The following BMPR2 variants were observed in gnomAD, a reference collection of about 807,000 sequenced individuals.
The protein encoded by BMPR2 is bone morphogenetic protein receptor type-2.
A neutral mutation model predicts 100.8 loss-of-function variants in BMPR2; 29 were observed. The observed-to-expected ratio is 0.29, with a 90% CI of 0.21 to 0.39. The LOEUF (loss-of-function observed/expected upper bound fraction) is 0.39. BMPR2 is among the 10% of genes least tolerant of loss of function. The pLI, the probability that BMPR2 is intolerant of heterozygous loss-of-function variation, is 1.00. For synonymous variants in BMPR2, 382 were observed against 442.3 expected (o/e 0.86, Z 1.71); for missense variants, 1,011 against 1,274.5 (o/e 0.79, Z 3.15).
intron 3 of BMPR2, among the ~76,000 whole-genome samples, chr2:202,481,421 C>A (rs1226047594): frequency 6.6e-6 from 1 of 152,222 alleles, no homozygotes; most frequent in East Asian, 1.9e-4. Context: ...TCAGCTGATC[C>A]GCCTGCCTCA....
intron 9 of BMPR2, among the ~76,000 whole-genome samples, chr2:202,536,940 C>G (rs1185617528): frequency 6.6e-6 from 1 of 151,942 alleles, no homozygotes. Context: ...CACTCCTGCC[C>G]AGGCCGGAGT....
intron 1 of BMPR2, among the ~76,000 whole-genome samples, chr2:202,396,985 C>T (rs184806524): frequency 3.3e-5 from 5 of 151,982 alleles, no homozygotes; most frequent in East Asian, 3.9e-4. Flanking sequence ...TTAGTAGAGT[C>T]GGGGTTTCTC....
chr2:202,483,694 C>T (rs111981991), intron 3 of BMPR2, among the ~76,000 whole-genome samples: 2 of 152,312 alleles, frequency 1.3e-5, no homozygotes, highest in Non-Finnish European at 2.9e-5. Context: ...TGAGCCACCA[C>T]GCCCAGCCCA....
rs1688755058 is a variant in BMPR2 at position 202,566,031 on chromosome 2, T to C, written c.*6085T>C. 6.6e-6 allele frequency: 1 copy of C among 152,156 alleles called. No homozygotes were observed. Among genetic ancestry groups the C allele is most frequent in the African/African-American group, 2.4e-5 (1 of 41,446 alleles). 9.4% of individuals were successfully genotyped at this position (152,156 alleles called of 1,614,324 possible). On this transcript the variant is annotated 3_prime_UTR_variant, in exon 13 of 13. Coordinates refer to ENST00000374580, the MANE Select transcript of BMPR2 (RefSeq NM_001204.7). The stretch of plus-strand genomic sequence containing the variant: ...TGAACATACACATTTTTAAAACAAC[T>C]TGAAACCCATTTTAAAATCTGGGTA...
intron 1 of BMPR2, among the ~76,000 whole-genome samples, chr2:202,420,537 ATTTTTTTTTTTTT>A (rs10555458): frequency 6.2e-3 from 364 of 59,046 alleles, no homozygotes; most frequent in Non-Finnish European, 7.3e-3. Flanking sequence ...TAGAAGCATG[ATTTTTTTTTTTTT>A]TTTTTTTTTT....
rs1239815878 is a variant in BMPR2 at position 202,442,035 on chromosome 2, CA to C, written c.77-22761del. Among the ~76,000 whole-genome samples the C allele has an allele frequency of 5.2e-3, 683 of 132,096 alleles. 52 individuals are homozygous for C. Among genetic ancestry groups the C allele is most frequent in the African/African-American group, 0.018 (586 of 33,232 alleles). The allele number at this position is 132,096 out of a possible 152,430, so 86.7% of individuals were successfully genotyped here. On this transcript the variant is annotated intron_variant, in intron 1 of 12. Transcript: ENST00000374580. ...GGGACAAGAGCGAGACTTTGTCTCTCAAAAAAAAAAAAATTATAAAATGCAT... is the reference window on the plus strand; with the variant it reads ...GGGACAAGAGCGAGACTTTGTCTCTCAAAAAAAAAAAATTATAAAATGCAT...
chr2:202,524,469 A>G (rs567514105), intron 7 of BMPR2, among the ~76,000 whole-genome samples: 1 of 152,010 alleles, frequency 6.6e-6, no homozygotes, highest in East Asian at 1.9e-4. Flanking sequence ...CAGATAACAA[A>G]CTTGCACATG....
At chr2:202,426,693 G>C (rs1329362827) in intron 1 of BMPR2, among the ~76,000 whole-genome samples, 1 of 151,902 alleles carries the variant, frequency 6.6e-6, no homozygotes, top group Admixed American at 6.6e-5. Flanking sequence ...ACCCACCTGG[G>C]CAACATAGTA....
chr2:202,399,454 C>G (rs1047126447), intron 1 of BMPR2, among the ~76,000 whole-genome samples: 2 of 152,090 alleles, frequency 1.3e-5, no homozygotes, highest in Non-Finnish European at 2.9e-5. Flanking sequence ...AGATGCACAA[C>G]AAGGGGTTAG....
intron 1 of BMPR2, among the ~76,000 whole-genome samples, chr2:202,454,779 C>T (rs1439591003): frequency 6.6e-6 from 1 of 152,142 alleles, no homozygotes; most frequent in African/African-American, 2.4e-5. Flanking sequence ...TAAAATAGCA[C>T]TAGAGACACG....
At chr2:202,502,451 CAAAG>C (rs1025935145) in intron 3 of BMPR2, among the ~76,000 whole-genome samples, 4 of 151,976 alleles carry the variant, frequency 2.6e-5, no homozygotes, top group African/African-American at 7.2e-5. Context: ...GAGGAAGAGA[CAAAG>C]AAGAAGTTGA....
At chr2:202,536,802 G>A (rs1688168114) in intron 9 of BMPR2, among the ~76,000 whole-genome samples, 1 of 149,674 alleles carries the variant, frequency 6.7e-6, no homozygotes, top group Non-Finnish European at 1.5e-5. Context: ...AACCCGGGAG[G>A]CAGAGGTTGC....
chr2:202,555,212 A>G (rs2105710945), intron 11 of BMPR2, 40 bp from the exon 12 acceptor site: 1 of 1,552,874 alleles, frequency 6.4e-7, no homozygotes, highest in Non-Finnish European at 8.9e-7. Context: ...TTTGTCATAA[A>G]TGTACGTTCT....
At chr2:202,517,789 C>T (rs1439881307) in intron 5 of BMPR2, among the ~76,000 whole-genome samples, 1 of 151,710 alleles carries the variant, frequency 6.6e-6, no homozygotes, top group Non-Finnish European at 1.5e-5. Flanking sequence ...TTCCCAAGGC[C>T]AGAACAATTT....
At chr2:202,398,768 G>A (rs554580427) in intron 1 of BMPR2, among the ~76,000 whole-genome samples, 7 of 152,222 alleles carry the variant, frequency 4.6e-5, no homozygotes, top group East Asian at 1.9e-4. Flanking sequence ...AGAAAATACC[G>A]TAGTATTTTG....
At position 202,565,364 on chromosome 2, in the gene BMPR2, TTC is replaced by T. The variant is rs1329969850; in HGVS notation, c.*5420_*5421del. 1.3e-5 allele frequency: 2 copies of T among 152,172 alleles called. No individual in the cohort carries two copies. The highest frequency in any genetic ancestry group is 2.9e-5 in the Non-Finnish European group (2 of 68,030). 9.4% of individuals were successfully genotyped at this position (152,172 alleles called of 1,614,324 possible). A position where few individuals can be genotyped will look rare whatever the true frequency, so the allele number is the denominator to read the frequency against. ...ATATTTAAGAATATAGAATTATATTTTCTTTTATATTCAAATTCATTACTCCA... is the reference window on the plus strand; with the variant it reads ...ATATTTAAGAATATAGAATTATATTTTTTTATATTCAAATTCATTACTCCA... On this transcript the variant is annotated 3_prime_UTR_variant, in exon 13 of 13. Coordinates refer to ENST00000374580, the MANE Select transcript of BMPR2 (RefSeq NM_001204.7).
Position 202,485,545 on chromosome 2 carries a change from CT to C in BMPR2, c.418+17875del, listed in dbSNP as rs762096820. Among the ~76,000 whole-genome samples the C allele has an allele frequency of 1.2e-3, 75 of 64,018 alleles. 1 individual carries two copies. Among genetic ancestry groups the C allele is most frequent in the African/African-American group, 3.5e-3 (62 of 17,540 alleles). The allele number at this position is 64,018 out of a possible 152,430, so 42.0% of individuals were successfully genotyped here. A position where few individuals can be genotyped will look rare whatever the true frequency, so the allele number is the denominator to read the frequency against. ...GTCTCAAATCTCCCTTTGCCTTTATCTTTTTTTTTTTTTTTTTTTGAGACAG... is the reference window on the plus strand; with the variant it reads ...GTCTCAAATCTCCCTTTGCCTTTATCTTTTTTTTTTTTTTTTTTGAGACAG... On this transcript the variant is annotated intron_variant, in intron 3 of 12. Transcript: ENST00000374580.
intron 1 of BMPR2, among the ~76,000 whole-genome samples, chr2:202,420,240 G>C (rs1002383596): frequency 6.6e-6 from 1 of 151,708 alleles, no homozygotes; most frequent in African/African-American, 2.4e-5. Flanking sequence ...ACCATCAAAA[G>C]GTAGCTTTAT....
Position 202,496,987 on chromosome 2 carries a change from C to T in BMPR2, c.419-16732C>T, listed in dbSNP as rs912819930. On this transcript the variant is annotated intron_variant, in intron 3 of 12. Transcript: ENST00000374580. ...GAGTTCCGGGTGGGCATGGGCTTGG[C>T]GGGCCCCGCACTCGGAGCAGCCGGC... Among the ~76,000 whole-genome samples the T allele has an allele frequency of 4.6e-5, 7 of 152,356 alleles. No homozygotes were observed. The East Asian group carries it at 1.2e-3, about 25-fold the overall frequency.
Sources: allele counts gnomAD v4.1 joint callset (sites outside exome capture counted in the v4.1 genomes callset), GRCh38; gene constraint gnomAD v4.1.1; transcripts MANE v1.5; gene names NCBI Gene and HGNC (gene_info 2026-07-23, HGNC 2026-07-21).